The following AP2A2 variants were observed in gnomAD, a reference collection of about 807,000 sequenced individuals.
AP2A2 encodes AP-2 complex subunit alpha-2.
AP2A2 carries 32 observed loss-of-function variants against 104.2 expected under a neutral mutation model. The observed-to-expected ratio is 0.31, with a 90% CI of 0.23 to 0.41. The LOEUF (loss-of-function observed/expected upper bound fraction) is 0.41, where lower values mean the gene tolerates loss of function less well. Ranked by LOEUF, AP2A2 falls within the 10% of genes least tolerant of loss-of-function variation. The probability of loss-of-function intolerance (pLI) is 1.00; values close to 1 mark genes in which losing one functional copy is unlikely to be tolerated. For missense variants in AP2A2, 912 were observed against 1,261.0 expected, an observed-to-expected ratio of 0.72 and a Z score of 4.19; for synonymous variants, 539 against 533.3, an observed-to-expected ratio of 1.01 and a Z score of -0.15.
In AP2A2 at chr11:993,749, C is replaced by T; in HGVS notation, c.1551-5C>T. 4 of 1,582,894 alleles carry T rather than the reference C, an allele frequency of 2.5e-6. No individual in the cohort carries two copies. The highest frequency in any genetic ancestry group is 1.7e-4 in the Middle Eastern group (1 of 6,034). On this transcript the variant is annotated splice_region_variant and splice_polypyrimidine_tract_variant and intron_variant, in intron 12 of 21. Coordinates refer to ENST00000448903, the MANE Select transcript of AP2A2 (RefSeq NM_012305.4). This position sits in a 1 kb window ranked among gnomAD's most constrained non-coding sequence, Gnocchi z 8.2. ...TGTCCCTGTGTTGTGCCTCCCCGTC[C>T]CCAGCCCGCTGATCCAGTTCCACCT...
chr11:948,971 A>G (rs1853944273), intron 1 of AP2A2, among the ~76,000 whole-genome samples: 1 of 151,504 alleles, frequency 6.6e-6, no homozygotes, highest in African/African-American at 2.4e-5. Context: ...TCATTATTTG[A>G]GTTCTACCAA....
intron 6 of AP2A2, 125 bp downstream of exon 6, chr11:981,424 G>A: frequency 1.2e-6 from 1 of 803,680 alleles, no homozygotes; most frequent in Non-Finnish European, 2.0e-6. Flanking sequence ...AACCAACTTG[G>A]CTTCTCTGTC....
At chr11:945,044 G>C (rs1853785747) in intron 1 of AP2A2, among the ~76,000 whole-genome samples, 1 of 152,092 alleles carries the variant, frequency 6.6e-6, no homozygotes, top group South Asian at 2.1e-4. Flanking sequence ...CTTCGGAGAG[G>C]TCAGGCATGG....
intron 1 of AP2A2, chr11:948,600 C>G (rs948025077): frequency 1.3e-5 from 2 of 152,202 alleles, no homozygotes; most frequent in Non-Finnish European, 2.9e-5. Flanking sequence ...GGTGCAGTGG[C>G]TCATGCCTGT....
intron 9 of AP2A2, among the ~76,000 whole-genome samples, chr11:988,234 C>T (rs1171298120): frequency 6.6e-6 from 1 of 152,214 alleles, no homozygotes; most frequent in African/African-American, 2.4e-5. Flanking sequence ...ATGGCCTGCA[C>T]CAGGCAGTGC....
At chr11:991,134 A>T (rs1294451858) in intron 10 of AP2A2, among the ~76,000 whole-genome samples, 3 of 150,964 alleles carry the variant, frequency 2.0e-5, no homozygotes, top group Non-Finnish European at 4.4e-5. Context: ...TCAGCCGGGT[A>T]TGGTGCTCCC....
intron 16 of AP2A2, among the ~76,000 whole-genome samples, chr11:1,005,257 G>A (rs951053006): frequency 1.3e-5 from 2 of 152,262 alleles, no homozygotes; most frequent in Admixed American, 1.3e-4. Flanking sequence ...GACAAATCCT[G>A]TGTGGCTCCA....
At chr11:971,525 T>G (rs1215878699) in intron 3 of AP2A2, among the ~76,000 whole-genome samples, 1 of 152,044 alleles carries the variant, frequency 6.6e-6, no homozygotes, top group Non-Finnish European at 1.5e-5. Context: ...GGGTGTCACC[T>G]TCGAGGATGG....
rs1357247958 is a variant in AP2A2, at chr11:1,009,383, G to C, written c.2593G>C (p.Val865Leu). Residue 865 changes from valine (V) to leucine (L), a missense_variant, in exon 20 of 22, where the codon GTC becomes CTC. Around this residue, in one of 7 missense-constraint regions of AP2A2, gnomAD observed 239 missense variants for 329.8 expected, o/e 0.72. Transcript: ENST00000448903. ...FKAKHPMDTE[V>L]TKAKIIGFGS... The stretch of plus-strand genomic sequence containing the variant: ...AGCAAAGCACCCAATGGACACAGAA[G>C]TCACCAAAGCCAAGGTAACACGTCT... 1 of 1,613,414 alleles carries C rather than the reference G, an allele frequency of 6.2e-7. No homozygotes were observed. Among genetic ancestry groups the C allele is most frequent in the Non-Finnish European group, 8.5e-7 (1 of 1,179,672 alleles).
chr11:1,011,392 C>T lies in AP2A2; in HGVS notation c.*767C>T, dbSNP rs770216973. 2.7e-5 allele frequency: 14 copies of T among 515,372 alleles called. No homozygotes were observed. Among genetic ancestry groups the T allele is most frequent in the South Asian group, 4.2e-5 (3 of 71,242 alleles). 31.9% of individuals were successfully genotyped at this position (515,372 alleles called of 1,614,324 possible). ...GTGGCGCAAGACTCAGAGGTGTGCT[C>T]GTCTCTTTCCTGTCAGAGTGGGCGT... On this transcript the variant is annotated 3_prime_UTR_variant, in exon 22 of 22. Transcript: ENST00000448903.
chr11:951,266 G>T (rs1854043380), intron 1 of AP2A2, among the ~76,000 whole-genome samples: 2 of 151,790 alleles, frequency 1.3e-5, no homozygotes, highest in African/African-American at 4.8e-5. Flanking sequence ...GGCACTCCCA[G>T]CTGTAATTCC....
intron 14 of AP2A2, 64 bp downstream of exon 14, chr11:994,309 G>A: frequency 1.3e-6 from 2 of 1,581,452 alleles, no homozygotes; most frequent in South Asian, 1.1e-5. Context: ...CTTGGGACCA[G>A]CAGAGCATTT....
At chr11:935,100 C>T (rs1483149377) in intron 1 of AP2A2, among the ~76,000 whole-genome samples, 4 of 145,448 alleles carry the variant, frequency 2.8e-5, no homozygotes, top group Admixed American at 2.2e-4. Flanking sequence ...TGTTGCCAGG[C>T]TAGAGTGCAG....
intron 10 of AP2A2, among the ~76,000 whole-genome samples, chr11:991,284 C>T (rs1168424140): frequency 2.0e-5 from 3 of 152,252 alleles, no homozygotes; most frequent in Non-Finnish European, 2.9e-5. Context: ...CCTTGCCATC[C>T]ATGGAGGGGG....
At chr11:985,681 C>A in intron 8 of AP2A2, 99 bp downstream of exon 8, 1 of 1,510,554 alleles carries the variant, frequency 6.6e-7, no homozygotes, top group Non-Finnish European at 9.0e-7. Context: ...TTTGTCCACT[C>A]CATGGGCCTC....
chr11:939,584 A>AGT (rs1853575766), intron 1 of AP2A2, among the ~76,000 whole-genome samples: 2 of 151,840 alleles, frequency 1.3e-5, no homozygotes, highest in African/African-American at 4.8e-5. Context: ...AGCTGGGCTT[A>AGT]CAGGAGCCTG....
rs1051047917 is a variant in AP2A2, at chr11:968,609, G to A, written c.137-1560G>A. ...ATTTTTGGCTGTGGTTGTCCAAGGC[G>A]GCTTCCAGCGGGTGATGGAATCTGG... is the stretch of plus-strand genomic sequence containing the variant. On this transcript the variant is annotated intron_variant, in intron 2 of 21. Coordinates refer to ENST00000448903, the MANE Select transcript of AP2A2 (RefSeq NM_012305.4). This position sits in a 1 kb window ranked among gnomAD's most constrained non-coding sequence, Gnocchi z 4.2. Among the ~76,000 whole-genome samples, 24 of 152,158 alleles carry A rather than the reference G, an allele frequency of 1.6e-4. No homozygotes were observed. Among genetic ancestry groups the A allele is most frequent in the Non-Finnish European group, 5.9e-5 (4 of 68,028 alleles).
intron 3 of AP2A2, among the ~76,000 whole-genome samples, chr11:970,830 A>G (rs1248379384): frequency 1.3e-5 from 2 of 152,154 alleles, no homozygotes; most frequent in Non-Finnish European, 2.9e-5. Flanking sequence ...CTGGAGGCAC[A>G]TGGCTGGGTC....
intron 5 of AP2A2, among the ~76,000 whole-genome samples, 155 bp from the exon 6 acceptor site, chr11:981,043 G>C (rs1213391852): frequency 6.6e-6 from 1 of 152,268 alleles, no homozygotes; most frequent in Non-Finnish European, 1.5e-5. Context: ...TGCCATCTGG[G>C]AGAACATTGT....
Sources: allele counts gnomAD v4.1 joint callset (sites outside exome capture counted in the v4.1 genomes callset), GRCh38; gene constraint gnomAD v4.1.1; regional missense constraint gnomAD v4.1.1; non-coding constraint Gnocchi (gnomAD v3.1); transcripts MANE v1.5; gene names NCBI Gene and HGNC (gene_info 2026-07-23, HGNC 2026-07-21).